ATRN: variants seen among roughly 807,000 people sequenced by gnomAD.
The protein encoded by ATRN is attractin, also known as attractin-2.
Under a neutral mutation model 178.7 loss-of-function variants are expected in ATRN, and 54 were observed. That is an observed-to-expected ratio of 0.30 (90% CI 0.24 to 0.38). ATRN has a LOEUF of 0.38. Among genes scored for constraint, ATRN ranks in the 10% least tolerant of loss-of-function variants. The pLI is 1.00. For synonymous variants in ATRN, 636 were observed against 663.0 expected (o/e 0.96, Z 0.63); for missense variants, 1,443 against 1,815.1 (o/e 0.79, Z 3.73).
chr20:3,559,384 G>A lies in ATRN; in HGVS notation c.1113-9G>A. On this transcript the variant is annotated splice_polypyrimidine_tract_variant and intron_variant, in intron 6 of 28. Transcript: ENST00000262919. ...AGTTGGGTGAAAATATGATCTGTTT[G>A]TTTTGTAGGTATGACCTTGCTTCTA... The A allele has an allele frequency of 6.3e-7, 1 of 1,598,262 alleles. No individual in the cohort carries two copies. The highest frequency in any genetic ancestry group is 8.6e-7 in the Non-Finnish European group (1 of 1,165,654).
intron 1 of ATRN, among the ~76,000 whole-genome samples, chr20:3,501,622 C>T (rs558650763): frequency 5.8e-4 from 89 of 152,222 alleles, no homozygotes; most frequent in African/African-American, 2.1e-3. Flanking sequence ...TAAAAATCTG[C>T]TTGAAGGCTT....
chr20:3,612,232 C>T (rs1800269600), intron 24 of ATRN, among the ~76,000 whole-genome samples: 1 of 152,050 alleles, frequency 6.6e-6, no homozygotes, highest in South Asian at 2.1e-4. Flanking sequence ...TTGATAAATC[C>T]CAAGCAAATT....
At chr20:3,556,698 A>G (rs188790271) in intron 6 of ATRN, among the ~76,000 whole-genome samples, 51 of 152,250 alleles carry the variant, frequency 3.3e-4, no homozygotes, top group African/African-American at 1.2e-3. Context: ...CAGAAGGTGC[A>G]TTTATCTTGT....
chr20:3,471,661 T>C, intron 1 of ATRN, 144 bp downstream of exon 1: 2 of 1,133,462 alleles, frequency 1.8e-6, no homozygotes, highest in Non-Finnish European at 2.3e-6. Flanking sequence ...GGCCATTTGC[T>C]TCCGGGGAGA....
chr20:3,634,281 A>G, intron 25 of ATRN, 30 bp from the exon 26 acceptor site: 3 of 1,604,458 alleles, frequency 1.9e-6, no homozygotes, highest in East Asian at 2.2e-5. Flanking sequence ...GGGGGCTGGG[A>G]TAATAACTCA....
At chr20:3,519,594 A>G (rs1012236759) in intron 1 of ATRN, among the ~76,000 whole-genome samples, 4 of 152,212 alleles carry the variant, frequency 2.6e-5, no homozygotes, top group Non-Finnish European at 5.9e-5. Context: ...AAGGAGAGAA[A>G]GAAACAGATG....
At chr20:3,518,993 A>T (rs2146143554) in intron 1 of ATRN, among the ~76,000 whole-genome samples, 1 of 139,920 alleles carries the variant, frequency 7.1e-6, no homozygotes, top group African/African-American at 2.6e-5. Flanking sequence ...GCTTCAATAA[A>T]CATCCTTATA....
intron 24 of ATRN, among the ~76,000 whole-genome samples, chr20:3,609,674 A>G (rs536875528): frequency 3.3e-4 from 50 of 151,558 alleles, no homozygotes; most frequent in Non-Finnish European, 5.3e-4. Context: ...CCAAATATCT[A>G]TCAGTGGATG....
chr20:3,554,399 A>G (rs2085835934), intron 6 of ATRN, among the ~76,000 whole-genome samples: 1 of 151,576 alleles, frequency 6.6e-6, no homozygotes, highest in African/African-American at 2.4e-5. Flanking sequence ...GCAGTGGCAC[A>G]GTCTCGGCTC....
At chr20:3,521,893 C>A (rs1310443548) in intron 1 of ATRN, among the ~76,000 whole-genome samples, 17 of 152,120 alleles carry the variant, frequency 1.1e-4, no homozygotes. Context: ...ATGATTCTCT[C>A]ACCTCAGCCT....
chr20:3,478,480 T>A (rs1453968025), intron 1 of ATRN, among the ~76,000 whole-genome samples: 1 of 151,982 alleles, frequency 6.6e-6, no homozygotes, highest in East Asian at 1.9e-4. Flanking sequence ...AAACACCGCA[T>A]GTTCTCACTC....
intron 1 of ATRN, among the ~76,000 whole-genome samples, chr20:3,510,681 T>C (rs1333317250): frequency 6.6e-6 from 1 of 152,196 alleles, no homozygotes; most frequent in East Asian, 1.9e-4. Context: ...TCTTCTTAGA[T>C]CTGGAGGCAT....
At chr20:3,639,125 G>A (rs902695052) in intron 27 of ATRN, among the ~76,000 whole-genome samples, 190 bp downstream of exon 27, 15 of 152,094 alleles carry the variant, frequency 9.9e-5, no homozygotes, top group African/African-American at 3.4e-4. Flanking sequence ...TTTGTTTCAT[G>A]TCGCTGAGCA....
At chr20:3,507,550 T>TA (rs2085063431) in intron 1 of ATRN, among the ~76,000 whole-genome samples, 1 of 152,046 alleles carries the variant, frequency 6.6e-6, no homozygotes, top group Non-Finnish European at 1.5e-5. Context: ...AAGCAATACT[T>TA]AATGAGATAA....
chr20:3,554,569 C>G (rs938067311), intron 6 of ATRN, among the ~76,000 whole-genome samples: 1 of 151,886 alleles, frequency 6.6e-6, no homozygotes, highest in African/African-American at 2.4e-5. Context: ...CTCCTGACCT[C>G]GTGATCTGCC....
At chr20:3,559,287 T>C in intron 6 of ATRN, 106 bp from the exon 7 acceptor site, 1 of 835,688 alleles carries the variant, frequency 1.2e-6, no homozygotes, top group Non-Finnish European at 2.0e-6. Context: ...CCTACATCCA[T>C]GGTGGATTTA....
Position 3,471,210 on chromosome 20 carries a change from G to T in ATRN, c.103G>T (p.Val35Leu). Reference sequence around the variant, plus strand: ...CGGCGGGCCGCACTGGGACTGGGACGTGACCAGGGCTGGGAGGCCGGGGCT... The same window carrying T: ...CGGCGGGCCGCACTGGGACTGGGACTTGACCAGGGCTGGGAGGCCGGGGCT... ...RSGGPHWDWD[V>L]TRAGRPGLGA... is the part of the protein sequence containing the mutation. Residue 35 changes from valine (V) to leucine (L), a missense_variant, in exon 1 of 29, where the codon GTG becomes TTG. Transcript: ENST00000262919. The T allele has an allele frequency of 6.7e-7, 1 of 1,491,500 alleles. No individual in the cohort carries two copies. Among genetic ancestry groups the T allele is most frequent in the Non-Finnish European group, 8.9e-7 (1 of 1,127,782 alleles). 92.4% of individuals were successfully genotyped at this position (1,491,500 alleles called of 1,614,324 possible).
intron 23 of ATRN, among the ~76,000 whole-genome samples, chr20:3,603,200 G>A (rs2086635357): frequency 6.6e-6 from 1 of 152,114 alleles, no homozygotes; most frequent in Non-Finnish European, 1.5e-5. Flanking sequence ...GTGGTAGCTG[G>A]TGGTAGAAGG....
At chr20:3,495,874 A>G (rs1293047664) in intron 1 of ATRN, among the ~76,000 whole-genome samples, 4 of 152,124 alleles carry the variant, frequency 2.6e-5, no homozygotes, top group African/African-American at 9.7e-5. Context: ...GTGCATATAT[A>G]TAAACACACC....
Sources: allele counts gnomAD v4.1 joint callset (sites outside exome capture counted in the v4.1 genomes callset), GRCh38; gene constraint gnomAD v4.1.1; transcripts MANE v1.5; gene names NCBI Gene and HGNC (gene_info 2026-07-23, HGNC 2026-07-21).